Variants in SUPT3H observed in about 807,000 individuals in gnomAD.
SUPT3H encodes the protein transcription initiation protein SPT3 homolog.
In SUPT3H, 44 loss-of-function variants were observed where a neutral mutation model predicts 44.3. The ratio of observed to expected loss-of-function variants is 0.99; its 90% CI spans 0.78 to 1.28. The LOEUF (loss-of-function observed/expected upper bound fraction) is 1.28, where lower values mean the gene tolerates loss of function less well. SUPT3H is among the 50% of genes most tolerant of loss of function. The pLI is 0.00. For missense variants in SUPT3H, 380 were observed against 387.1 expected, an observed-to-expected ratio of 0.98 and a Z score of 0.15; for synonymous variants, 124 against 125.6, an observed-to-expected ratio of 0.99 and a Z score of 0.09.
At chr6:45,159,599 ACAGT>A (rs1277371065) in intron 2 of SUPT3H, 5 of 152,196 alleles carry the variant, frequency 3.3e-5, no homozygotes, top group Non-Finnish European at 5.9e-5. Flanking sequence ...TAGTTTCTGA[ACAGT>A]CAGAGATCCT....
Position 45,061,876 on chromosome 6 carries a change from T to G in SUPT3H, c.187-41244A>C, listed in dbSNP as rs868351950. The stretch of plus-strand genomic sequence containing the variant: ...CCAAAATCAATTGTGGTACAGCCAG[T>G]TTTTTATCCATAAGCTGTTTTTTTT... On this transcript the variant is annotated intron_variant, in intron 3 of 10. Coordinates refer to ENST00000371459, the MANE Select transcript of SUPT3H (RefSeq NM_003599.4). 1.3e-4 allele frequency among the ~76,000 whole-genome samples: 19 copies of G among 147,854 alleles called. No homozygotes were observed. The Middle Eastern group carries it at 0.01, about 81-fold the overall frequency.
intron 1 of SUPT3H, among the ~76,000 whole-genome samples, chr6:45,375,418 T>C (rs376087506): frequency 1.2e-4 from 19 of 152,176 alleles, no homozygotes; most frequent in African/African-American, 4.6e-4. Flanking sequence ...TAAGATACTA[T>C]AGTCACCCAT....
chr6:45,091,756 G>T (rs1797148827), intron 3 of SUPT3H, among the ~76,000 whole-genome samples: 1 of 151,944 alleles, frequency 6.6e-6, no homozygotes, highest in Admixed American at 6.6e-5. Flanking sequence ...ATTCCTTAAG[G>T]ATATTTGCTA....
chr6:45,229,267 T>C (rs1767515826), intron 2 of SUPT3H, among the ~76,000 whole-genome samples: 1 of 152,132 alleles, frequency 6.6e-6, no homozygotes, highest in Admixed American at 6.6e-5. Context: ...TTTAACTAAC[T>C]TCTTGGGACT....
intron 6 of SUPT3H, among the ~76,000 whole-genome samples, chr6:44,969,327 T>C (rs555587913): frequency 6.6e-6 from 1 of 152,294 alleles, no homozygotes; most frequent in African/African-American, 2.4e-5. Context: ...TGGAAGCATA[T>C]ACATTATACT....
intron 2 of SUPT3H, among the ~76,000 whole-genome samples, chr6:45,109,684 A>G (rs1177287345): frequency 2.0e-5 from 3 of 152,202 alleles, no homozygotes; most frequent in Admixed American, 6.5e-5. Flanking sequence ...CATACACAGA[A>G]AACTAGATAT....
At chr6:44,934,088 C>G (rs1562078218) in intron 9 of SUPT3H, among the ~76,000 whole-genome samples, 2 of 152,082 alleles carry the variant, frequency 1.3e-5, no homozygotes, top group Non-Finnish European at 2.9e-5. Flanking sequence ...CATTTGTAGT[C>G]ACAGAATTAA....
intron 2 of SUPT3H, among the ~76,000 whole-genome samples, chr6:45,165,790 C>T (rs1177268786): frequency 6.6e-6 from 1 of 151,740 alleles, no homozygotes; most frequent in Non-Finnish European, 1.5e-5. Context: ...CAAAAGTGAT[C>T]TAAACCGATA....
intron 2 of SUPT3H, among the ~76,000 whole-genome samples, chr6:45,317,514 C>T (rs1784879931): frequency 6.6e-6 from 1 of 152,038 alleles, no homozygotes; most frequent in African/African-American, 2.4e-5. Context: ...CGGAACAGAA[C>T]AGTGAATCCA....
At chr6:45,128,887 T>C (rs1478815007) in intron 2 of SUPT3H, among the ~76,000 whole-genome samples, 1 of 152,024 alleles carries the variant, frequency 6.6e-6, no homozygotes, top group African/African-American at 2.4e-5. Context: ...CGTTTCACCA[T>C]GTTGGCCAGG....
At chr6:44,932,574 G>C in intron 10 of SUPT3H, 79 bp downstream of exon 10, 1 of 992,080 alleles carries the variant, frequency 1.0e-6, no homozygotes. Context: ...CAATTCCATT[G>C]CTTCTTCATT....
chr6:45,023,482 G>C (rs1031931913), intron 3 of SUPT3H, among the ~76,000 whole-genome samples: 4 of 152,052 alleles, frequency 2.6e-5, no homozygotes, highest in African/African-American at 9.7e-5. Context: ...GCACACAAAT[G>C]TTCACTGCAG....
chr6:45,230,688 T>TATATATATATATATATATATATATA (rs1562747134), intron 2 of SUPT3H, among the ~76,000 whole-genome samples: 1 of 39,864 alleles, frequency 2.5e-5, no homozygotes, highest in East Asian at 1.0e-3. Flanking sequence ...ATATATATAT[T>TATATATATATATATATATATATATA]TTTGAGATGG....
chr6:45,214,388 G>C (rs1209213484), intron 2 of SUPT3H, among the ~76,000 whole-genome samples: 1 of 151,756 alleles, frequency 6.6e-6, no homozygotes, highest in African/African-American at 2.4e-5. Context: ...GGATTACTTG[G>C]AGAAAGGAAA....
intron 2 of SUPT3H, among the ~76,000 whole-genome samples, chr6:45,305,320 C>T (rs765185686): frequency 1.3e-5 from 2 of 152,106 alleles, no homozygotes; most frequent in Non-Finnish European, 2.9e-5. Flanking sequence ...TTATTGCTTC[C>T]GCTATACCTA....
chr6:45,150,464 TGAGTA>T (rs879934363), intron 2 of SUPT3H, among the ~76,000 whole-genome samples: 2 of 152,092 alleles, frequency 1.3e-5, no homozygotes, highest in Non-Finnish European at 2.9e-5. Flanking sequence ...AAAACACAGC[TGAGTA>T]GAGAGACAAC....
intron 10 of SUPT3H, among the ~76,000 whole-genome samples, chr6:44,878,693 C>T (rs530567055): frequency 5.3e-5 from 8 of 152,122 alleles, no homozygotes; most frequent in South Asian, 2.1e-4. Flanking sequence ...ATGAAGAAGG[C>T]GGGTGATTTC....
At chr6:45,174,987 G>C (rs1283491119) in intron 2 of SUPT3H, among the ~76,000 whole-genome samples, 1 of 130,064 alleles carries the variant, frequency 7.7e-6, no homozygotes, top group Non-Finnish European at 1.6e-5. Context: ...AATCCAGCCT[G>C]GGCAACATAG....
intron 2 of SUPT3H, among the ~76,000 whole-genome samples, chr6:45,345,271 T>C (rs953212691): frequency 2.0e-5 from 3 of 152,202 alleles, no homozygotes; most frequent in Non-Finnish European, 4.4e-5. Flanking sequence ...CATGCTCAAA[T>C]GACATGTTTT....
Sources: allele counts gnomAD v4.1 joint callset (sites outside exome capture counted in the v4.1 genomes callset), GRCh38; gene constraint gnomAD v4.1.1; transcripts MANE v1.5; gene names NCBI Gene and HGNC (gene_info 2026-07-23, HGNC 2026-07-21).